The following SULF1 variants were observed in gnomAD, a reference collection of about 807,000 sequenced individuals.
The protein encoded by SULF1 is sulfatase 1, also known as extracellular sulfatase Sulf-1.
SULF1 carries 46 observed loss-of-function variants against 110.5 expected under a neutral mutation model. The observed-to-expected ratio is 0.42, with a 90% confidence interval of 0.33 to 0.53. SULF1 has a LOEUF of 0.53. Ranked by LOEUF, SULF1 falls within the 20% of genes least tolerant of loss-of-function variation. The probability of loss-of-function intolerance (pLI) is 0.12; values close to 1 mark genes in which losing one functional copy is unlikely to be tolerated. For missense variants in SULF1, 941 were observed against 1,094.2 expected (o/e 0.86, Z 1.98); for synonymous variants, 371 against 387.1 (o/e 0.96, Z 0.49).
In SULF1 at chr8:69,599,670, G is replaced by A. The variant is rs572063121; in HGVS notation, c.735-933G>A. ...TGTGCTTAATAACATTGAAGAAGAA[G>A]ATTCAAGTAGATTATAGTCTGTTAA... is the stretch of plus-strand genomic sequence containing the variant. On this transcript the variant is annotated intron_variant, in intron 8 of 22. Coordinates refer to ENST00000402687, the MANE Select transcript of SULF1 (RefSeq NM_001128205.2). Among the ~76,000 whole-genome samples, 10 of 152,246 alleles carry A rather than the reference G, an allele frequency of 6.6e-5. No individual in the cohort carries two copies. The South Asian group carries it at 2.1e-3, about 32-fold the overall frequency.
chr8:69,551,598 G>A (rs1231815505), intron 3 of SULF1, among the ~76,000 whole-genome samples: 2 of 152,202 alleles, frequency 1.3e-5, no homozygotes, highest in Non-Finnish European at 2.9e-5. Context: ...CGATTATTTT[G>A]TAGATAGAAA....
At chr8:69,626,671 C>G (rs1000174177) in intron 15 of SULF1, among the ~76,000 whole-genome samples, 1 of 152,228 alleles carries the variant, frequency 6.6e-6, no homozygotes, top group Non-Finnish European at 1.5e-5. Flanking sequence ...AGCGCAGCGC[C>G]GGTGGGCTGG....
intron 6 of SULF1, among the ~76,000 whole-genome samples, chr8:69,578,488 T>C (rs4101020): frequency 0.22 from 30,257 of 138,164 alleles, 3,589 homozygotes; most frequent in Admixed American, 0.3. Context: ...TATCTCCTAA[T>C]GCTATCCCTC....
At chr8:69,494,383 C>G (rs1353848857) in intron 1 of SULF1, among the ~76,000 whole-genome samples, 1 of 152,096 alleles carries the variant, frequency 6.6e-6, no homozygotes, top group Non-Finnish European at 1.5e-5. Context: ...TTCACATCAA[C>G]TTTCAGATTG....
intron 22 of SULF1, among the ~76,000 whole-genome samples, chr8:69,652,212 G>T (rs532949115): frequency 7.9e-5 from 12 of 152,014 alleles, no homozygotes; most frequent in African/African-American, 2.9e-4. Context: ...CCACCTGGAT[G>T]CTCCAGGATA....
intron 3 of SULF1, among the ~76,000 whole-genome samples, chr8:69,533,839 T>A (rs1181880861): frequency 6.6e-6 from 1 of 152,178 alleles, no homozygotes; most frequent in Non-Finnish European, 1.5e-5. Context: ...ATGTGGTTAC[T>A]TTTTTACCTC....
intron 13 of SULF1, among the ~76,000 whole-genome samples, chr8:69,619,902 T>A (rs1175564660): frequency 6.6e-6 from 1 of 152,200 alleles, no homozygotes; most frequent in East Asian, 1.9e-4. Flanking sequence ...AGCCTTGCCG[T>A]CTGCAGACAG....
At chr8:69,556,031 A>G (rs1406170238) in intron 3 of SULF1, among the ~76,000 whole-genome samples, 1 of 152,196 alleles carries the variant, frequency 6.6e-6, no homozygotes, top group African/African-American at 2.4e-5. Flanking sequence ...TCTAAGAATG[A>G]TTGAACTTTA....
intron 22 of SULF1, among the ~76,000 whole-genome samples, chr8:69,652,852 T>A (rs1241622509): frequency 6.6e-6 from 1 of 152,210 alleles, no homozygotes; most frequent in Non-Finnish European, 1.5e-5. Flanking sequence ...TCCATACATC[T>A]TCTTCCACCA....
intron 7 of SULF1, among the ~76,000 whole-genome samples, chr8:69,587,192 C>A (rs556194579): frequency 6.6e-6 from 1 of 152,270 alleles, no homozygotes; most frequent in Non-Finnish European, 1.5e-5. Flanking sequence ...TTTTTCAAAT[C>A]ATAAGAATGA....
intron 5 of SULF1, among the ~76,000 whole-genome samples, chr8:69,567,527 A>G (rs1815978748): frequency 6.6e-6 from 1 of 152,002 alleles, no homozygotes; most frequent in African/African-American, 2.4e-5. Flanking sequence ...CTATCATTCT[A>G]CTTTCTGTCT....
intron 6 of SULF1, among the ~76,000 whole-genome samples, chr8:69,583,991 G>C (rs1224079738): frequency 3.3e-5 from 5 of 152,202 alleles, no homozygotes; most frequent in Admixed American, 3.3e-4. Context: ...ATTAGCTGGA[G>C]AGAGGGACGA....
intron 10 of SULF1, among the ~76,000 whole-genome samples, chr8:69,602,441 T>C (rs1315279604): frequency 1.3e-5 from 2 of 152,154 alleles, no homozygotes; most frequent in African/African-American, 2.4e-5. Context: ...CATGAAAGAA[T>C]TATGGAAAGA....
intron 6 of SULF1, among the ~76,000 whole-genome samples, chr8:69,578,502 C>A (rs368862389): frequency 1.1e-5 from 1 of 92,596 alleles, no homozygotes; most frequent in African/African-American, 4.4e-5. Flanking sequence ...ATCCCTCCCC[C>A]CTCCCCCCAC....
intron 5 of SULF1, among the ~76,000 whole-genome samples, chr8:69,569,927 AT>A (rs1323186729): frequency 2.7e-5 from 4 of 150,754 alleles, no homozygotes; most frequent in Non-Finnish European, 5.9e-5. Context: ...AAAAAATACC[AT>A]TTAATTTTGT....
chr8:69,509,426 A>G (rs1052984494), intron 3 of SULF1, among the ~76,000 whole-genome samples: 5 of 152,228 alleles, frequency 3.3e-5, no homozygotes, highest in African/African-American at 1.2e-4. Flanking sequence ...ATAGAATGAA[A>G]AATCTTTACT....
At chr8:69,521,862 CAGTA>C (rs988827393) in intron 3 of SULF1, among the ~76,000 whole-genome samples, 2 of 144,166 alleles carry the variant, frequency 1.4e-5, no homozygotes, top group East Asian at 2.0e-4. Context: ...AAAAAAGAAA[CAGTA>C]AGAGGCCATT....
intron 3 of SULF1, among the ~76,000 whole-genome samples, chr8:69,542,118 G>A (rs1184708094): frequency 6.6e-6 from 1 of 152,168 alleles, no homozygotes; most frequent in Non-Finnish European, 1.5e-5. Flanking sequence ...TCTTCCCAGA[G>A]AGCTGGTGAC....
At chr8:69,589,403 G>C (rs1334589746) in intron 8 of SULF1, among the ~76,000 whole-genome samples, 1 of 152,230 alleles carries the variant, frequency 6.6e-6, no homozygotes, top group African/African-American at 2.4e-5. Context: ...CACATAGAGT[G>C]AATGGGGGCA....
Sources: allele counts gnomAD v4.1 joint callset (sites outside exome capture counted in the v4.1 genomes callset), GRCh38; gene constraint gnomAD v4.1.1; transcripts MANE v1.5; gene names NCBI Gene and HGNC (gene_info 2026-07-23, HGNC 2026-07-21).